Variants in GPT2 observed in about 807,000 individuals in gnomAD.
The protein encoded by GPT2 is glutamic--pyruvic transaminase 2.
GPT2 carries 30 observed loss-of-function variants against 56.9 expected under a neutral mutation model. The ratio of observed to expected loss-of-function variants is 0.53; its 90% CI spans 0.39 to 0.72. GPT2 has a LOEUF of 0.72. Ranked by LOEUF, GPT2 falls within the 30% of genes least tolerant of loss-of-function variation. The pLI is 0.00. For missense variants in GPT2, 542 were observed against 703.4 expected (o/e 0.77, Z 2.60); for synonymous variants, 271 against 283.1 (o/e 0.96, Z 0.43).
chr16:46,917,607 G>A (rs1407773974), intron 7 of GPT2, among the ~76,000 whole-genome samples: 3 of 151,894 alleles, frequency 2.0e-5, no homozygotes, highest in African/African-American at 7.3e-5. Context: ...GGTTTCCGGC[G>A]AGCTGCAGCT....
rs774941746 is a variant in GPT2, at chr16:46,924,293, T to C, written c.1213-96T>C. On this transcript the variant is annotated intron_variant, in intron 9 of 11. Coordinates refer to ENST00000340124, the MANE Select transcript of GPT2 (RefSeq NM_133443.4). ...GTTCAAAGCTGGAGCAAAGTCATCA[T>C]CTGGGATTTCCGCAAGTGCTGCAGG... is the stretch of plus-strand genomic sequence containing the variant. 1.5e-5 allele frequency: 21 copies of C among 1,371,418 alleles called. No homozygotes were observed. The South Asian group carries it at 1.8e-4, about 12-fold the overall frequency. The allele number at this position is 1,371,418 out of a possible 1,614,324, so 85.0% of individuals were successfully genotyped here.
rs766708108 is a variant in GPT2 at position 46,926,964 on chromosome 16, C to G, written c.1408C>G (p.Leu470Val). ...MAPDMFYCMK[L>V]LEETGICVVP... ...TCCAGACATGTTCTACTGCATGAAG[C>G]TCCTGGAGGAGACTGGCATCTGTGT... Residue 470 changes from leucine to valine, a missense_variant, in exon 11 of 12, where the codon CTC becomes GTC. Physicochemically the swap from Leu to Val is conservative, Grantham distance 32. Transcript: ENST00000340124. 6.2e-7 allele frequency: 1 copy of G among 1,607,140 alleles called. No individual in the cohort carries two copies. Among genetic ancestry groups the G allele is most frequent in the Non-Finnish European group, 8.5e-7 (1 of 1,177,054 alleles).
intron 4 of GPT2, among the ~76,000 whole-genome samples, chr16:46,904,324 T>C (rs1960878657): frequency 6.6e-6 from 1 of 152,146 alleles, no homozygotes; most frequent in Non-Finnish European, 1.5e-5. Context: ...GGTGGGAGAA[T>C]TGCTCGAGCC....
chr16:46,909,596 T>G, intron 5 of GPT2, 88 bp from the exon 6 acceptor site: 1 of 1,466,954 alleles, frequency 6.8e-7, no homozygotes, highest in South Asian at 1.3e-5. Context: ...AGAGTTGGAC[T>G]GGAGGCATGC....
In GPT2 at chr16:46,900,857, C is replaced by T. The variant is rs898324032; in HGVS notation, c.442+67C>T. The T allele has an allele frequency of 2.3e-5, 31 of 1,328,980 alleles. No individual in the cohort carries two copies. In the African/African-American group the frequency reaches 3.2e-4, roughly 14 times the overall value. The allele number at this position is 1,328,980 out of a possible 1,614,324, so 82.3% of individuals were successfully genotyped here. A position where few individuals can be genotyped will look rare whatever the true frequency, so the allele number is the denominator to read the frequency against. On this transcript the variant is annotated intron_variant, in intron 4 of 11. Transcript: ENST00000340124. ...GAGTGTTCCCAGGCGGCCCCAGCCT[C>T]AAGCGGAGGGTCCTGCATGCGAATG...
intron 2 of GPT2, among the ~76,000 whole-genome samples, chr16:46,893,946 T>C (rs1196671393): frequency 6.6e-6 from 1 of 152,192 alleles, no homozygotes; most frequent in Admixed American, 6.5e-5. Flanking sequence ...TCTGGGAGTC[T>C]ACCCCAGGGC....
chr16:46,924,563 G>C lies in GPT2; in HGVS notation c.1368+19G>C. 1 of 1,612,636 alleles carries C rather than the reference G, an allele frequency of 6.2e-7. No individual in the cohort carries two copies. The highest frequency in any genetic ancestry group is 8.5e-7 in the Non-Finnish European group (1 of 1,178,968). ...TGCTCAGGTCTGGGGCATGGGCTGG[G>C]CTGGCTCTCTCTTACCAGGTTCACC... On this transcript the variant is annotated intron_variant, in intron 10 of 11. Transcript: ENST00000340124.
chr16:46,884,978 CG>C lies in GPT2; in HGVS notation c.243+24del, dbSNP rs1960455426. ...CAGCGGGTGAGCGCGCGCTGGGCCC[CG>C]GGGAGGCTGGGGCCGCTGAGCAAGG... is the stretch of plus-strand genomic sequence containing the variant. On this transcript the variant is annotated intron_variant, in intron 2 of 11. Transcript: ENST00000340124. 1.4e-6 allele frequency: 2 copies of C among 1,465,114 alleles called. No individual in the cohort carries two copies. The highest frequency in any genetic ancestry group is 1.8e-6 in the Non-Finnish European group (2 of 1,100,432). The allele number at this position is 1,465,114 out of a possible 1,614,324, so 90.8% of individuals were successfully genotyped here. A position where few individuals can be genotyped will look rare whatever the true frequency, so the allele number is the denominator to read the frequency against.
chr16:46,911,206 C>CT (rs1961040881), intron 6 of GPT2, among the ~76,000 whole-genome samples: 1 of 152,184 alleles, frequency 6.6e-6, no homozygotes, highest in Non-Finnish European at 1.5e-5. Flanking sequence ...GCATATTTTT[C>CT]TTTAAAAAAA....
chr16:46,913,664 A>G (rs1961086956), intron 6 of GPT2, among the ~76,000 whole-genome samples: 2 of 152,222 alleles, frequency 1.3e-5, no homozygotes, highest in African/African-American at 2.4e-5. Context: ...TTTTCCAGGC[A>G]TATTTTTTAT....
intron 6 of GPT2, chr16:46,915,381 CA>C (rs1406048776): frequency 3.4e-5 from 3 of 87,370 alleles, no homozygotes; most frequent in Non-Finnish European, 8.1e-5. Context: ...CACACACACA[CA>C]CCACCACACC....
In GPT2 at chr16:46,884,969, G is replaced by A. The variant is rs770207421; in HGVS notation, c.243+11G>A. The A allele has an allele frequency of 1.4e-5, 21 of 1,479,492 alleles. No individual in the cohort carries two copies. Among genetic ancestry groups the A allele is most frequent in the Non-Finnish European group, 1.9e-5 (21 of 1,108,040 alleles). 91.6% of individuals were successfully genotyped at this position (1,479,492 alleles called of 1,614,324 possible). ...CTCGAGCTGCAGCGGGTGAGCGCGC[G>A]CTGGGCCCCGGGGAGGCTGGGGCCG... On this transcript the variant is annotated intron_variant, in intron 2 of 11. Transcript: ENST00000340124.
intron 6 of GPT2, among the ~76,000 whole-genome samples, chr16:46,914,060 G>A (rs1053656420): frequency 6.6e-6 from 1 of 152,190 alleles, no homozygotes; most frequent in Non-Finnish European, 1.5e-5. Flanking sequence ...TGATTATAGT[G>A]GTGGTTTTCC....
At chr16:46,922,185 C>G in intron 8 of GPT2, 57 bp from the exon 9 acceptor site, 1 of 1,553,450 alleles carries the variant, frequency 6.4e-7, no homozygotes, top group Admixed American at 1.8e-5. Context: ...GTCCAAATGG[C>G]ACTTTGTTGA....
At position 46,898,994 on chromosome 16, in the gene GPT2, C is replaced by A. The variant is rs61531086; in HGVS notation, c.333+1257C>A. The stretch of plus-strand genomic sequence containing the variant: ...CACACACATATATATATATATATAA[C>A]ACACATATATATATATATATATATA... On this transcript the variant is annotated intron_variant, in intron 3 of 11. Transcript: ENST00000340124. Among the ~76,000 whole-genome samples the A allele has an allele frequency of 7.3e-4, 76 of 104,030 alleles. 2 individuals carry two copies. Among genetic ancestry groups the A allele is most frequent in the African/African-American group, 3.0e-3 (69 of 23,142 alleles). The allele number at this position is 104,030 out of a possible 152,430, so 68.2% of individuals were successfully genotyped here.
At chr16:46,900,647 G>T (rs779690001) in intron 3 of GPT2, 35 bp from the exon 4 acceptor site, 18 of 1,530,780 alleles carry the variant, frequency 1.2e-5, no homozygotes, top group Non-Finnish European at 1.5e-5. Flanking sequence ...AGGAGTGGGG[G>T]TGCTGGGAGC....
At chr16:46,885,089 A>G in intron 2 of GPT2, 131 bp downstream of exon 2, 1 of 1,351,484 alleles carries the variant, frequency 7.4e-7, no homozygotes, top group South Asian at 1.8e-5. Flanking sequence ...GCCTGGCTAA[A>G]ACGAGAGAAT....
rs370047614 is a variant in GPT2, at chr16:46,909,956, G to T, written c.820+29G>T. The T allele has an allele frequency of 3.8e-6, 6 of 1,567,110 alleles. No individual in the cohort carries two copies. The South Asian group carries it at 4.7e-5, about 12-fold the overall frequency. On this transcript the variant is annotated intron_variant, in intron 6 of 11. Coordinates refer to ENST00000340124, the MANE Select transcript of GPT2 (RefSeq NM_133443.4). ...TGCACTTTACTTCCTCACCAGTTTC[G>T]TAGAGGGTGGGGGTGGCTGATACAC...
chr16:46,913,730 AT>A (rs1390715538), intron 6 of GPT2, among the ~76,000 whole-genome samples: 3 of 152,182 alleles, frequency 2.0e-5, no homozygotes, highest in African/African-American at 7.2e-5. Flanking sequence ...GATACTCTAT[AT>A]ACTGTTTTGC....
Sources: gnomAD v4.1 joint callset for allele counts (sites outside exome capture counted in the v4.1 genomes callset) on GRCh38, gnomAD v4.1.1 for gene constraint, MANE v1.5 for transcripts, NCBI Gene and HGNC (gene_info 2026-07-23, HGNC 2026-07-21) for gene names.